UBE2V1: variants seen among roughly 807,000 people sequenced by gnomAD.
UBE2V1 encodes the protein ubiquitin conjugating enzyme E2 V1, also known as ubiquitin-conjugating enzyme E2 variant 1.
UBE2V1 carries 15 observed loss-of-function variants against 19.6 expected under a neutral mutation model. The ratio of observed to expected loss-of-function variants is 0.77; its 90% CI spans 0.51 to 1.18. The LOEUF (loss-of-function observed/expected upper bound fraction) is 1.18, where lower values mean the gene tolerates loss of function less well. Ranked by LOEUF, UBE2V1 falls within the 50% of genes most tolerant of loss-of-function variation. The pLI is 0.00. For missense variants in UBE2V1, 125 were observed against 184.8 expected, an observed-to-expected ratio of 0.68 and a Z score of 1.88; for synonymous variants, 60 against 60.7, an observed-to-expected ratio of 0.99 and a Z score of 0.05.
intron 1 of UBE2V1, among the ~76,000 whole-genome samples, chr20:50,107,385 C>G (rs952717134): frequency 3.3e-5 from 5 of 152,308 alleles, no homozygotes; most frequent in African/African-American, 1.2e-4. Flanking sequence ...TCATTCTTTA[C>G]AGTCCAGCCA....
intron 1 of UBE2V1, among the ~76,000 whole-genome samples, chr20:50,105,009 G>A (rs1269079699): frequency 6.6e-6 from 1 of 152,180 alleles, no homozygotes; most frequent in Non-Finnish European, 1.5e-5. Flanking sequence ...TTACAGGCAT[G>A]AGCCACCACA....
chr20:50,112,782 G>T (rs2080846910), intron 1 of UBE2V1, among the ~76,000 whole-genome samples: 1 of 152,166 alleles, frequency 6.6e-6, no homozygotes, highest in Non-Finnish European at 1.5e-5. Flanking sequence ...CTTAAGAGTC[G>T]CCAGCCCCGG....
rs2079920392 is a variant in UBE2V1 at position 50,100,507 on chromosome 20, C to T, written c.23-3687G>A. On this transcript the variant is annotated intron_variant, in intron 1 of 3. Transcript: ENST00000371674. Reference sequence around the variant, plus strand: ...GGCTGAGGCAGAAAAATTGCTTGAACCCTGGAGGCAGAGGTTGCAGTGAGC... The same window carrying T: ...GGCTGAGGCAGAAAAATTGCTTGAATCCTGGAGGCAGAGGTTGCAGTGAGC... 2.6e-5 allele frequency among the ~76,000 whole-genome samples: 4 copies of T among 152,068 alleles called. No individual in the cohort carries two copies. The South Asian group carries it at 8.3e-4, about 32-fold the overall frequency.
At chr20:50,087,828 C>T (rs956459457) in intron 2 of UBE2V1, among the ~76,000 whole-genome samples, 4 of 152,228 alleles carry the variant, frequency 2.6e-5, no homozygotes, top group African/African-American at 7.2e-5. Flanking sequence ...TCATATAACC[C>T]GGAGACTTCG....
In UBE2V1 at chr20:50,081,346, T is replaced by TA. The variant is rs74435910; in HGVS notation, c.*1421dup. 24,494 of 136,504 alleles carry TA rather than the reference T, an allele frequency of 0.18. 1,948 individuals are homozygous for TA. The highest frequency in any genetic ancestry group is 0.23 in the Middle Eastern group (62 of 264). The allele number at this position is 136,504 out of a possible 1,614,324, so 8.5% of individuals were successfully genotyped here. ...AGGTGGTTTTACACAAATACTAAAT[T>TA]AAAAAAAAAAAAAAAACCTTTAGTA... On this transcript the variant is annotated 3_prime_UTR_variant, in exon 4 of 4. Transcript: ENST00000371674.
chr20:50,091,685 G>T (rs767801232), intron 2 of UBE2V1, among the ~76,000 whole-genome samples: 1 of 151,948 alleles, frequency 6.6e-6, no homozygotes, highest in African/African-American at 2.4e-5. Flanking sequence ...GAGTTACCAC[G>T]CCCCGCCTCA....
At chr20:50,105,156 A>C (rs999757777) in intron 1 of UBE2V1, among the ~76,000 whole-genome samples, 1 of 152,250 alleles carries the variant, frequency 6.6e-6, no homozygotes, top group Non-Finnish European at 1.5e-5. Flanking sequence ...TTTGTTTCAT[A>C]AAGTATGTAT....
At chr20:50,094,219 T>TATGCATTATATAATATATA (rs1200022976) in intron 2 of UBE2V1, among the ~76,000 whole-genome samples, 715 of 64,970 alleles carry the variant, frequency 0.011, 103 homozygotes, top group African/African-American at 0.019. Flanking sequence ...ATATATAACA[T>TATGCATTATATAATATATA]ATGCATTATA....
In UBE2V1 at chr20:50,106,861, AC is replaced by A. The variant is rs1263021188; in HGVS notation, c.22+6245del. On this transcript the variant is annotated intron_variant, in intron 1 of 3. Coordinates refer to ENST00000371674, the MANE Select transcript of UBE2V1 (RefSeq NM_001032288.3). ...AAAACCAAAAACAACAACAACAACAACAACAACAACAACAAAAAAAAAAAAA... is the reference window on the plus strand; with the variant it reads ...AAAACCAAAAACAACAACAACAACAAAACAACAACAACAAAAAAAAAAAAA... 4.2e-5 allele frequency among the ~76,000 whole-genome samples: 4 copies of A among 95,090 alleles called. No homozygotes were observed. The East Asian group carries it at 1.2e-3, about 27-fold the overall frequency. The allele number at this position is 95,090 out of a possible 152,430, so 62.4% of individuals were successfully genotyped here.
intron 2 of UBE2V1, among the ~76,000 whole-genome samples, chr20:50,094,403 T>C (rs2079501673): frequency 1.3e-5 from 2 of 150,590 alleles, no homozygotes; most frequent in Admixed American, 1.3e-4. Context: ...AAAGAAAATA[T>C]ATGTCCACAT....
chr20:50,084,029 C>A, intron 3 of UBE2V1, 100 bp downstream of exon 3: 1 of 1,501,818 alleles, frequency 6.7e-7, no homozygotes, highest in South Asian at 1.4e-5. Context: ...AACAAATAAC[C>A]AAAGAACCTA....
chr20:50,108,104 C>A (rs1383531846), intron 1 of UBE2V1, among the ~76,000 whole-genome samples: 1 of 152,198 alleles, frequency 6.6e-6, no homozygotes, highest in Admixed American at 6.5e-5. Context: ...GAAGGGCTTG[C>A]TGAAGGGGAG....
At chr20:50,101,317 C>T (rs1327503902) in intron 1 of UBE2V1, among the ~76,000 whole-genome samples, 2 of 151,620 alleles carry the variant, frequency 1.3e-5, no homozygotes, top group African/African-American at 4.8e-5. Context: ...ATCTACTGAA[C>T]AATTACAATA....
chr20:50,108,863 TA>T, intron 1 of UBE2V1: 1 of 905,926 alleles, frequency 1.1e-6, no homozygotes, highest in Non-Finnish European at 1.3e-6. Flanking sequence ...AGAGATGCTA[TA>T]AAAAGGGTTC....
At chr20:50,084,891 CTTT>C (rs200222788) in intron 2 of UBE2V1, 50 of 109,662 alleles carry the variant, frequency 4.6e-4, no homozygotes, top group Admixed American at 1.1e-3. Context: ...GAAAAGCAGT[CTTT>C]TTTTTTTTTT....
intron 2 of UBE2V1, among the ~76,000 whole-genome samples, chr20:50,092,042 C>T (rs80326072): frequency 2.7e-3 from 412 of 152,200 alleles, no homozygotes; most frequent in African/African-American, 6.9e-3. Flanking sequence ...AACACTTGGC[C>T]GGGTGTGGTG....
At chr20:50,115,751 T>G, upstream of UBE2V1, 1 of 651,090 alleles carries the variant, frequency 1.5e-6, no homozygotes. Flanking sequence ...GCAACTCCTG[T>G]GAATATCCCC....
intron 2 of UBE2V1, among the ~76,000 whole-genome samples, chr20:50,091,301 CT>C (rs1231826668): frequency 1.3e-5 from 2 of 151,934 alleles, no homozygotes; most frequent in African/African-American, 4.8e-5. Context: ...CTGCCTCGGC[CT>C]CCCAAAGCGC....
chr20:50,094,378 T>C (rs1212084099), intron 2 of UBE2V1, among the ~76,000 whole-genome samples: 2 of 148,522 alleles, frequency 1.3e-5, no homozygotes, highest in East Asian at 3.9e-4. Context: ...CCAGCAGGTG[T>C]AGATAAAAAA....
Sources: allele counts gnomAD v4.1 joint callset (sites outside exome capture counted in the v4.1 genomes callset), GRCh38; gene constraint gnomAD v4.1.1; transcripts MANE v1.5; gene names NCBI Gene and HGNC (gene_info 2026-07-23, HGNC 2026-07-21).